The following DENND4B variants were observed in gnomAD, a reference collection of about 807,000 sequenced individuals.
The protein encoded by DENND4B is DENN domain-containing protein 4B.
DENND4B carries 67 observed loss-of-function variants against 161.0 expected under a neutral mutation model. The ratio of observed to expected loss-of-function variants is 0.42; its 90% CI spans 0.34 to 0.51. The LOEUF (loss-of-function observed/expected upper bound fraction) is 0.51, where lower values mean the gene tolerates loss of function less well. Among genes scored for constraint, DENND4B ranks in the 20% least tolerant of loss-of-function variants. DENND4B has a pLI of 0.08. For missense variants in DENND4B, 1,481 were observed against 1,968.0 expected (o/e 0.75, Z 4.68); for synonymous variants, 753 against 813.8 (o/e 0.93, Z 1.27).
rs1306519136 is a variant in DENND4B at position 153,946,501 on chromosome 1, G to T, written c.-224C>A. ...GGCGCAGTGGAAGGAGATCCGGGCG[G>T]TCCCCGCGTCCCCGCCGCGCTGCGC... On this transcript the variant is annotated 5_prime_UTR_variant, in exon 1 of 28. Coordinates refer to ENST00000361217, the MANE Select transcript of DENND4B (RefSeq NM_014856.3). The surrounding 1 kb of genome is among the most constrained non-coding windows in gnomAD (Gnocchi z 6.3). 2 of 389,676 alleles carry T rather than the reference G, an allele frequency of 5.1e-6. No individual in the cohort carries two copies. The highest frequency in any genetic ancestry group is 9.0e-5 in the Admixed American group (2 of 22,344). The allele number at this position is 389,676 out of a possible 1,614,324, so 24.1% of individuals were successfully genotyped here.
chr1:153,943,911 A>G lies in DENND4B; in HGVS notation c.317+147T>C, dbSNP rs766355631. The G allele has an allele frequency of 4.7e-6, 4 of 859,754 alleles. No homozygotes were observed. The South Asian group carries it at 6.5e-5, about 14-fold the overall frequency. 53.3% of individuals were successfully genotyped at this position (859,754 alleles called of 1,614,324 possible). On this transcript the variant is annotated intron_variant, in intron 2 of 27. Transcript: ENST00000361217. Reference sequence around the variant, plus strand: ...AATCGCATCTGTAAGGACTAAGTACATACAACTTCAGTCCTTCCTTCCTGG... The same window carrying G: ...AATCGCATCTGTAAGGACTAAGTACGTACAACTTCAGTCCTTCCTTCCTGG...
In DENND4B at chr1:153,932,427, C is replaced by G. The variant is rs367602023; in HGVS notation, c.3773G>C (p.Arg1258Pro). ...CNGHMGGASRRVESGAWAYLS... is the reference protein window; with the variant it reads ...CNGHMGGASRPVESGAWAYLS... ...GTATGCCCATGCCCCACTCTCAACC[C>G]GCCGGGAGGCTCCCTATCAGGCACA... Residue 1258 changes from arginine (R) to proline (P), a missense_variant, in exon 24 of 28, where the codon CGG becomes CCG. Around this residue, in one of 3 missense-constraint regions of DENND4B, gnomAD observed 336 missense variants for 503.3 expected, o/e 0.67. Coordinates refer to ENST00000361217, the MANE Select transcript of DENND4B (RefSeq NM_014856.3). The surrounding 1 kb of genome is among the most constrained non-coding windows in gnomAD (Gnocchi z 5.8). 1 of 1,609,252 alleles carries G rather than the reference C, an allele frequency of 6.2e-7. No homozygotes were observed. Among genetic ancestry groups the G allele is most frequent in the Non-Finnish European group, 8.5e-7 (1 of 1,177,906 alleles).
chr1:153,940,315 C>T lies in DENND4B; in HGVS notation c.1503-59G>A. The T allele has an allele frequency of 1.3e-6, 2 of 1,561,570 alleles. No individual in the cohort carries two copies. Among genetic ancestry groups the T allele is most frequent in the South Asian group, 1.2e-5 (1 of 83,624 alleles). On this transcript the variant is annotated intron_variant, in intron 10 of 27. Transcript: ENST00000361217. This position sits in a 1 kb window ranked among gnomAD's most constrained non-coding sequence, Gnocchi z 5.6. The stretch of plus-strand genomic sequence containing the variant: ...GGCTCTGGGATAGGGTGACGGGGTT[C>T]CTTGCCAGCCTCCCTCACTTTGTGC...
At chr1:153,945,564 A>G (rs529593505) in intron 1 of DENND4B, among the ~76,000 whole-genome samples, 2 of 151,830 alleles carry the variant, frequency 1.3e-5, no homozygotes, top group Admixed American at 1.3e-4. Context: ...ACACACACAC[A>G]CACACACACA....
chr1:153,933,833 G>T lies in DENND4B; in HGVS notation c.2980C>A (p.Pro994Thr), dbSNP rs757092585. ...ALGVLEPRGSPVPWHDGSLSD... is the reference protein window; with the variant it reads ...ALGVLEPRGSTVPWHDGSLSD... ...AGACTTCCATCGTGCCAGGGCACAG[G>T]TGATCCCCGGGGTTCCAGGACCCCC... The change falls in exon 20 of 28, where the codon CCT becomes ACT. Residue 994 changes from proline to threonine, a missense_variant. This residue lies in a region of DENND4B where 339 missense variants were observed against 330.3 expected (regional missense o/e 1.03). Transcript: ENST00000361217. The surrounding 1 kb of genome is among the most constrained non-coding windows in gnomAD (Gnocchi z 5.7). The T allele has an allele frequency of 5.6e-6, 9 of 1,613,208 alleles. No individual in the cohort carries two copies. Among genetic ancestry groups the T allele is most frequent in the Non-Finnish European group, 7.6e-6 (9 of 1,179,808 alleles).
Position 153,939,778 on chromosome 1 carries a change from A to T in DENND4B, c.1630T>A (p.Ser544Thr). 1 of 1,613,850 alleles carries T rather than the reference A, an allele frequency of 6.2e-7. No homozygotes were observed. The highest frequency in any genetic ancestry group is 1.1e-5 in the South Asian group (1 of 91,088). ...TAGTCTGTCAGTAGGAACTCCAGGG[A>T]TGCTTCCTCCTCAGGTCCAGTGTAT... is the stretch of plus-strand genomic sequence containing the variant. ...QTYTGPEEEA[S>T]LEFLLTDYEA... The change falls in exon 12 of 28, where the codon TCC becomes ACC. Residue 544 changes from serine to threonine, a missense_variant. Physicochemically the swap from Ser to Thr is moderately conservative, Grantham distance 58. Transcript: ENST00000361217.
chr1:153,931,718 G>C (rs1362100577), intron 24 of DENND4B, among the ~76,000 whole-genome samples: 1 of 151,606 alleles, frequency 6.6e-6, no homozygotes, highest in African/African-American at 2.4e-5. Context: ...CGATGGTCTC[G>C]ATCTCCTGAC....
rs767394823 is a variant in DENND4B at position 153,930,515 on chromosome 1, T to C, written c.4345+24A>G. On this transcript the variant is annotated intron_variant, in intron 27 of 27. Coordinates refer to ENST00000361217, the MANE Select transcript of DENND4B (RefSeq NM_014856.3). The surrounding 1 kb of genome is among the most constrained non-coding windows in gnomAD (Gnocchi z 4.7). ...ACCTGGCCCCAGATCCCTAAACTCC[T>C]CAGCCCCTTGCCTGCAATCTCACCT... The C allele has an allele frequency of 3.7e-6, 6 of 1,613,896 alleles. No individual in the cohort carries two copies. The African/African-American group carries it at 6.7e-5, about 18-fold the overall frequency.
At chr1:153,941,156 A>G in intron 8 of DENND4B, 75 bp downstream of exon 8, 1 of 1,589,038 alleles carries the variant, frequency 6.3e-7, no homozygotes, top group South Asian at 1.1e-5. Flanking sequence ...AAACCTCAAC[A>G]GCTGCACCCA....
Position 153,943,049 on chromosome 1 carries a change from C to T in DENND4B, c.399G>A (p.Leu133=). The T allele has an allele frequency of 6.2e-7, 1 of 1,614,012 alleles. No individual in the cohort carries two copies. The highest frequency in any genetic ancestry group is 8.5e-7 in the Non-Finnish European group (1 of 1,179,878). ...GGGGGTGCCCGGGGCCTGGAGGGGC[C>T]AGGTTTGCTGAGTGGCTGTAGGGTG... ...DTTPYSHSAN[L]APPGPGHPRT... The change falls in exon 3 of 28, where the codon CTG becomes CTA. Residue 133 remains leucine (L), a synonymous_variant. Transcript: ENST00000361217.
Position 153,937,768 on chromosome 1 carries a change from C to T in DENND4B, c.2061G>A (p.Glu687=), listed in dbSNP as rs1327200956. The change falls in exon 14 of 28, where the codon GAG becomes GAA. Residue 687 remains glutamate, a synonymous_variant. Transcript: ENST00000361217. The surrounding 1 kb of genome is among the most constrained non-coding windows in gnomAD (Gnocchi z 4.7). ...SELTVFITPP[E]EPALPEGSES... ...CACTGCCCTCTGGTAAGGCAGGCTC[C>T]TCGGGAGGTGTGATAAAGACAGTGA... 1.2e-6 allele frequency: 2 copies of T among 1,613,882 alleles called. No individual in the cohort carries two copies. Among genetic ancestry groups the T allele is most frequent in the East Asian group, 4.5e-5 (2 of 44,894 alleles).
In DENND4B at chr1:153,932,180, CA is replaced by C. The variant is rs774112790; in HGVS notation, c.3996+23del. On this transcript the variant is annotated intron_variant, in intron 24 of 27. Transcript: ENST00000361217. This position sits in a 1 kb window ranked among gnomAD's most constrained non-coding sequence, Gnocchi z 5.8. ...AGAGATGAGGGAGGCACTTAGGAAA[CA>C]GGGGCCACATGGGGGCACTGACCTG... 3.3e-5 allele frequency: 52 copies of C among 1,598,586 alleles called. No homozygotes were observed. The East Asian group carries it at 1.0e-3, about 31-fold the overall frequency.
rs1679440588 is a variant in DENND4B at position 153,937,915 on chromosome 1, A to G, written c.1966-52T>C. ...TGTTGAGATGGTGGGCATGGAGCAGAGCCAGGGTGTCTAGACGATGGCATC... is the reference window on the plus strand; with the variant it reads ...TGTTGAGATGGTGGGCATGGAGCAGGGCCAGGGTGTCTAGACGATGGCATC... On this transcript the variant is annotated intron_variant, in intron 13 of 27. Transcript: ENST00000361217. The surrounding 1 kb of genome is among the most constrained non-coding windows in gnomAD (Gnocchi z 4.7). 1 of 1,610,698 alleles carries G rather than the reference A, an allele frequency of 6.2e-7. No individual in the cohort carries two copies. The highest frequency in any genetic ancestry group is 1.3e-5 in the African/African-American group (1 of 74,980).
chr1:153,932,333 C>T lies in DENND4B; in HGVS notation c.3867G>A (p.Ala1289=), dbSNP rs756037177. Residue 1289 remains alanine (A), a synonymous_variant, in exon 24 of 28, where the codon GCG becomes GCA. Transcript: ENST00000361217. This position sits in a 1 kb window ranked among gnomAD's most constrained non-coding sequence, Gnocchi z 5.8. ...GGTGGGCAGAGGGCAGTTCAGGCAA[C>T]GCCAGCACCTCACTGCCCTCGTTCT... The part of the protein sequence containing the change: ...LVENEGSEVL[A]LPELPSAHPI... 1.2e-5 allele frequency: 20 copies of T among 1,613,832 alleles called. No homozygotes were observed. The highest frequency in any genetic ancestry group is 6.7e-5 in the African/African-American group (5 of 74,934).
chr1:153,936,187 A>C lies in DENND4B; in HGVS notation c.2441T>G (p.Val814Gly). 6.2e-7 allele frequency: 1 copy of C among 1,603,716 alleles called. No homozygotes were observed. The highest frequency in any genetic ancestry group is 8.5e-7 in the Non-Finnish European group (1 of 1,175,266). The change falls in exon 17 of 28, where the codon GTG (valine) becomes GGG (glycine). Residue 814 changes from valine (V) to glycine (G), a missense_variant and splice_region_variant. Transcript: ENST00000361217. This position sits in a 1 kb window ranked among gnomAD's most constrained non-coding sequence, Gnocchi z 4.1. ...GAGCTGCATCAGTACCCGGTAACAC[A>C]CCTGGGCCAGGAGAGGCACAGGACA... is the stretch of plus-strand genomic sequence containing the variant. ...ESGKVVLPDE[V>G]CYRVLMQLCS...
intron 24 of DENND4B, among the ~76,000 whole-genome samples, chr1:153,931,560 C>T (rs1361373585): frequency 3.3e-5 from 5 of 150,142 alleles, no homozygotes; most frequent in African/African-American, 4.9e-5. Context: ...TGCAGTGGCG[C>T]GATCTCAGCT....
Position 153,939,737 on chromosome 1 carries a change from G to A in DENND4B, c.1671C>T (p.Gly557=), listed in dbSNP as rs1422544455. Residue 557 remains glycine (G), a synonymous_variant, in exon 12 of 28, where the codon GGC becomes GGT. Coordinates refer to ENST00000361217, the MANE Select transcript of DENND4B (RefSeq NM_014856.3). ...CTTCGCGCTCCAGCCGGGCCCTGCGGCCACACACTGCCTCGTAGTCTGTCA... is the reference window on the plus strand; with the variant it reads ...CTTCGCGCTCCAGCCGGGCCCTGCGACCACACACTGCCTCGTAGTCTGTCA... ...FLLTDYEAVC[G]RRARLEREVQ... is the part of the protein sequence containing the mutation. 1 of 1,613,946 alleles carries A rather than the reference G, an allele frequency of 6.2e-7. No individual in the cohort carries two copies.
At chr1:153,931,131 C>G (rs1346124292) in intron 24 of DENND4B, 67 bp from the exon 25 acceptor site, 2 of 1,275,868 alleles carry the variant, frequency 1.6e-6, no homozygotes, top group Non-Finnish European at 2.2e-6. Context: ...AAGAAACGGA[C>G]AGGTGATGCC....
Position 153,944,413 on chromosome 1 carries a change from G to A in DENND4B, c.-23-16C>T. On this transcript the variant is annotated splice_polypyrimidine_tract_variant and intron_variant, in intron 1 of 27. Transcript: ENST00000361217. The surrounding 1 kb of genome is among the most constrained non-coding windows in gnomAD (Gnocchi z 4.8). ...CTCACTGCATCTGGAATGGTCAAGT[G>A]GGAGAGAGATGAAGCAAGGAAGGCT... 6.4e-7 allele frequency: 1 copy of A among 1,555,524 alleles called. No individual in the cohort carries two copies. The highest frequency in any genetic ancestry group is 1.2e-5 in the South Asian group (1 of 84,078).
Sources: gnomAD v4.1 joint callset for allele counts (sites outside exome capture counted in the v4.1 genomes callset) on GRCh38, gnomAD v4.1.1 for gene constraint, gnomAD v4.1.1 regional missense constraint, Gnocchi (gnomAD v3.1) non-coding constraint, MANE v1.5 for transcripts, NCBI Gene and HGNC (gene_info 2026-07-23, HGNC 2026-07-21) for gene names.